COL4A5: variants seen among roughly 807,000 people sequenced by gnomAD.
COL4A5 encodes collagen type IV alpha 5 chain.
COL4A5 carries 26 observed loss-of-function variants against 130.2 expected under a neutral mutation model. That is an observed-to-expected ratio of 0.20 (90% CI 0.15 to 0.28). The LOEUF is 0.28. Among genes scored for constraint, COL4A5 ranks in the 10% least tolerant of loss-of-function variants. The pLI is 1.00. For missense variants in COL4A5, 1,131 were observed against 1,344.3 expected (o/e 0.84, Z 2.48); for synonymous variants, 496 against 439.6 (o/e 1.13, Z -1.60).
chrX:108,627,349 GATAT>G, intron 36 of COL4A5: 1 of 726,948 alleles, frequency 1.4e-6, no homozygotes, highest in Non-Finnish European at 1.6e-6. Flanking sequence ...GTCAATAGTT[GATAT>G]ATAAATTTGA....
chrX:108,501,536 A>G (rs976429853), intron 1 of COL4A5, among the ~76,000 whole-genome samples: 10 of 111,929 alleles, frequency 8.9e-5, no homozygotes, highest in African/African-American at 2.6e-4. Flanking sequence ...CGATTGCTGA[A>G]CAGCTATTAT....
chrX:108,554,221 A>G (rs1007327617), intron 2 of COL4A5, among the ~76,000 whole-genome samples: 3 of 111,821 alleles, frequency 2.7e-5, no homozygotes, highest in Admixed American at 9.5e-5. Flanking sequence ...AGACTGGGTA[A>G]TTTATAAACA....
intron 24 of COL4A5, among the ~76,000 whole-genome samples, chrX:108,598,472 T>C (rs1278973283): frequency 8.9e-6 from 1 of 112,161 alleles, no homozygotes; most frequent in Non-Finnish European, 1.9e-5. Flanking sequence ...TTGTGTATTT[T>C]TGTTTTCTGT....
chrX:108,633,529 A>T (rs1453263021), intron 36 of COL4A5, among the ~76,000 whole-genome samples: 1 of 111,233 alleles, frequency 9.0e-6, no homozygotes, highest in Non-Finnish European at 1.9e-5. Context: ...TTTGTTCATG[A>T]ATTTTTTTTT....
intron 41 of COL4A5, chrX:108,670,014 T>G: frequency 2.5e-6 from 1 of 407,074 alleles, no homozygotes. Flanking sequence ...AGTGTGCTGT[T>G]TTCATTTTAG....
chrX:108,666,381 A>G, intron 38 of COL4A5, 115 bp from the exon 39 acceptor site: 1 of 542,865 alleles, frequency 1.8e-6, no homozygotes, highest in Admixed American at 2.8e-5. Flanking sequence ...TTTGTGATCC[A>G]AAGGAGTGTC....
intron 24 of COL4A5, among the ~76,000 whole-genome samples, chrX:108,598,333 G>T (rs2066558727): frequency 8.9e-6 from 1 of 112,075 alleles, no homozygotes; most frequent in Admixed American, 9.4e-5. Flanking sequence ...TAACATAAAT[G>T]AACAATCTTA....
intron 38 of COL4A5, among the ~76,000 whole-genome samples, 163 bp from the exon 39 acceptor site, chrX:108,666,333 C>A (rs974824743): frequency 8.9e-6 from 1 of 112,112 alleles, no homozygotes; most frequent in East Asian, 2.8e-4. Context: ...AATGACTATT[C>A]CTTATTTTCA....
At chrX:108,527,039 G>A (rs2065334361) in intron 1 of COL4A5, among the ~76,000 whole-genome samples, 2 of 109,890 alleles carry the variant, frequency 1.8e-5, no homozygotes, top group Non-Finnish European at 3.8e-5. Context: ...CAAAGTGCTG[G>A]GATTACAGGA....
chrX:108,674,287 T>C (rs2068261901), intron 42 of COL4A5, among the ~76,000 whole-genome samples: 1 of 111,177 alleles, frequency 9.0e-6, no homozygotes, highest in African/African-American at 3.3e-5. Context: ...TATCAAGAAA[T>C]TGGCACCTGG....
intron 39 of COL4A5, among the ~76,000 whole-genome samples, chrX:108,666,925 A>G (rs188203572): frequency 3.1e-4 from 35 of 112,539 alleles, no homozygotes; most frequent in African/African-American, 1.0e-3. Context: ...AGATATATTT[A>G]ACATTCATCG....
intron 16 of COL4A5, 22 bp from the exon 17 acceptor site, chrX:108,582,862 C>T: frequency 8.5e-7 from 1 of 1,175,761 alleles, no homozygotes. Flanking sequence ...GCTGATGTCA[C>T]CCTATCCTCT....
At chrX:108,535,607 A>G (rs936478418) in intron 1 of COL4A5, among the ~76,000 whole-genome samples, 6 of 110,892 alleles carry the variant, frequency 5.4e-5, no homozygotes, top group Admixed American at 1.9e-4. Context: ...CTAAGCACCA[A>G]GAGATCTTTT....
intron 2 of COL4A5, among the ~76,000 whole-genome samples, chrX:108,552,004 A>G (rs2065760203): frequency 8.9e-6 from 1 of 111,940 alleles, no homozygotes. Flanking sequence ...GGAGCTAAAT[A>G]TTGAGTACAC....
chrX:108,689,473 T>C (rs1311763228), intron 49 of COL4A5: 6 of 750,876 alleles, frequency 8.0e-6, no homozygotes, highest in Non-Finnish European at 9.4e-6. Context: ...ATCCATGTAT[T>C]TTCTCTAATA....
chrX:108,590,610 A>T (rs1356211507), intron 19 of COL4A5, among the ~76,000 whole-genome samples: 2 of 111,803 alleles, frequency 1.8e-5, no homozygotes, highest in African/African-American at 6.5e-5. Context: ...ATGAACAAAG[A>T]TGAGCGTATT....
chrX:108,597,261 G>A, intron 23 of COL4A5, 116 bp from the exon 24 acceptor site: 1 of 824,965 alleles, frequency 1.2e-6, no homozygotes, highest in Admixed American at 2.6e-5. Flanking sequence ...AAATGTTATT[G>A]GATGGGTTGA....
At chrX:108,675,955 A>G (rs1426189254) in intron 43 of COL4A5, among the ~76,000 whole-genome samples, 2 of 111,620 alleles carry the variant, frequency 1.8e-5, no homozygotes, top group African/African-American at 6.5e-5. Flanking sequence ...GAAGCCAAGG[A>G]GATTAATAAT....
At chrX:108,670,758 AG>A in intron 42 of COL4A5, 1 of 323,080 alleles carries the variant, frequency 3.1e-6, no homozygotes, top group South Asian at 2.7e-5. Flanking sequence ...ATGGACTAAT[AG>A]GGCCGGGCAC....
Sources: gnomAD v4.1 joint callset for allele counts (sites outside exome capture counted in the v4.1 genomes callset) on GRCh38, gnomAD v4.1.1 for gene constraint, MANE v1.5 for transcripts, NCBI Gene and HGNC (gene_info 2026-07-23, HGNC 2026-07-21) for gene names.